PIK3AP1: variants seen among roughly 807,000 people sequenced by gnomAD.
PIK3AP1 encodes the protein phosphoinositide-3-kinase adaptor protein 1, also known as phosphoinositide 3-kinase adapter protein 1.
PIK3AP1 carries 21 observed loss-of-function variants against 88.1 expected under a neutral mutation model. The ratio of observed to expected loss-of-function variants is 0.24; its 90% CI spans 0.17 to 0.34. The LOEUF (loss-of-function observed/expected upper bound fraction) is 0.34. Among genes scored for constraint, PIK3AP1 ranks in the 10% least tolerant of loss-of-function variants. The probability of loss-of-function intolerance (pLI) is 1.00; values close to 1 mark genes in which losing one functional copy is unlikely to be tolerated. For synonymous variants in PIK3AP1, 398 were observed against 400.0 expected, an observed-to-expected ratio of 1.00 and a Z score of 0.06; for missense variants, 828 against 1,035.7, an observed-to-expected ratio of 0.80 and a Z score of 2.75.
intron 2 of PIK3AP1, among the ~76,000 whole-genome samples, chr10:96,663,050 C>T (rs1185908947): frequency 6.6e-6 from 1 of 151,700 alleles, no homozygotes; most frequent in Admixed American, 6.6e-5. Flanking sequence ...CATAAAAGAC[C>T]ACAAATTATA....
intron 1 of PIK3AP1, among the ~76,000 whole-genome samples, chr10:96,717,270 A>G (rs1384612319): frequency 6.6e-6 from 1 of 151,800 alleles, no homozygotes; most frequent in African/African-American, 2.4e-5. Flanking sequence ...AAAAAAAAAA[A>G]AAAAAACTCA....
chr10:96,603,699 C>T, intron 15 of PIK3AP1: 1 of 242,832 alleles, frequency 4.1e-6, no homozygotes, highest in Non-Finnish European at 8.0e-6. Flanking sequence ...CACACACACA[C>T]ACACACACAC....
At chr10:96,692,310 T>C (rs1376233792) in intron 2 of PIK3AP1, among the ~76,000 whole-genome samples, 1 of 152,228 alleles carries the variant, frequency 6.6e-6, no homozygotes, top group African/African-American at 2.4e-5. Context: ...GTGCAGTGGC[T>C]CATGCCTGTA....
chr10:96,720,053 C>A lies in PIK3AP1; in HGVS notation c.13+329G>T, dbSNP rs932966644. Among the ~76,000 whole-genome samples, 2 of 152,190 alleles carry A rather than the reference C, an allele frequency of 1.3e-5. No individual in the cohort carries two copies. Among genetic ancestry groups the A allele is most frequent in the African/African-American group, 4.8e-5 (2 of 41,450 alleles). ...CGCCCGCCCTCCGCTTCTCTCAACT[C>A]GCCTCTCGCTTCAGAGTCGGAGGGA... is the stretch of plus-strand genomic sequence containing the variant. On this transcript the variant is annotated intron_variant, in intron 1 of 16. Coordinates refer to ENST00000339364, the MANE Select transcript of PIK3AP1 (RefSeq NM_152309.3). The surrounding 1 kb of genome is among the most constrained non-coding windows in gnomAD (Gnocchi z 4.6).
intron 2 of PIK3AP1, among the ~76,000 whole-genome samples, chr10:96,691,008 G>C (rs1428143039): frequency 6.6e-6 from 1 of 152,172 alleles, no homozygotes; most frequent in African/African-American, 2.4e-5. Flanking sequence ...AAGTGAAGAG[G>C]TAACTCCAGG....
intron 2 of PIK3AP1, among the ~76,000 whole-genome samples, chr10:96,667,936 G>A (rs573033784): frequency 6.6e-6 from 1 of 152,296 alleles, no homozygotes; most frequent in East Asian, 1.9e-4. Context: ...TAATACCAAT[G>A]TGTACTTTTT....
intron 1 of PIK3AP1, among the ~76,000 whole-genome samples, chr10:96,711,922 T>C (rs958765858): frequency 5.9e-5 from 9 of 151,314 alleles, no homozygotes; most frequent in Admixed American, 1.3e-4. Context: ...GGCTAATTTT[T>C]TTTTTTTATT....
At chr10:96,700,403 C>A (rs764749135) in intron 2 of PIK3AP1, among the ~76,000 whole-genome samples, 1 of 151,334 alleles carries the variant, frequency 6.6e-6, no homozygotes, top group Non-Finnish European at 1.5e-5. Flanking sequence ...AGGCAGTGAC[C>A]CACAGTTAGG....
intron 2 of PIK3AP1, among the ~76,000 whole-genome samples, chr10:96,694,481 T>TCCCTC (rs1221226083): frequency 1.3e-5 from 2 of 150,216 alleles, no homozygotes; most frequent in African/African-American, 4.9e-5. Flanking sequence ...CCTTTTCCCT[T>TCCCTC]CCCTCCCCTC....
rs767807459 is a variant in PIK3AP1, at chr10:96,604,000, G to A, written c.2220C>T (p.Ser740=). ...SSTRSLLSVS[S]GMEGDNEDNE... ...TCACCTCGTTGTCCCCTTCCATCCC[G>A]CTGCTCACACTGAGGAGGCTCCGGG... Residue 740 remains serine (S), a synonymous_variant, in exon 15 of 17, where the codon AGC becomes AGT. Coordinates refer to ENST00000339364, the MANE Select transcript of PIK3AP1 (RefSeq NM_152309.3). 63 of 1,607,414 alleles carry A rather than the reference G, an allele frequency of 3.9e-5. No homozygotes were observed. Among genetic ancestry groups the A allele is most frequent in the South Asian group, 1.2e-4 (11 of 89,616 alleles).
At chr10:96,678,764 C>T (rs1340411177) in intron 2 of PIK3AP1, among the ~76,000 whole-genome samples, 1 of 152,160 alleles carries the variant, frequency 6.6e-6, no homozygotes, top group East Asian at 1.9e-4. Context: ...TTTCACTTTT[C>T]CTTTTCATGA....
intron 2 of PIK3AP1, among the ~76,000 whole-genome samples, chr10:96,706,038 C>T (rs941757765): frequency 2.6e-5 from 4 of 151,798 alleles, no homozygotes; most frequent in East Asian, 3.9e-4. Context: ...GGACTACAGG[C>T]GCCCGCCACC....
chr10:96,714,606 G>T (rs949790644), intron 1 of PIK3AP1, among the ~76,000 whole-genome samples: 3 of 152,324 alleles, frequency 2.0e-5, no homozygotes, highest in African/African-American at 4.8e-5. Context: ...TTCTAGGAAT[G>T]AGTCTAGGAT....
At chr10:96,700,988 C>T (rs1844290927) in intron 2 of PIK3AP1, 5 of 720,728 alleles carry the variant, frequency 6.9e-6, no homozygotes, top group Non-Finnish European at 8.5e-6. Flanking sequence ...CCTGAGCTAC[C>T]GCGGGCTCCT....
intron 8 of PIK3AP1, among the ~76,000 whole-genome samples, chr10:96,630,979 C>T (rs1161291277): frequency 6.6e-6 from 1 of 152,230 alleles, no homozygotes; most frequent in Non-Finnish European, 1.5e-5. Flanking sequence ...TCCACTCCCA[C>T]CTGCCTGACC....
At chr10:96,605,353 T>A (rs989127876) in intron 14 of PIK3AP1, among the ~76,000 whole-genome samples, 6 of 152,208 alleles carry the variant, frequency 3.9e-5, no homozygotes, top group Non-Finnish European at 2.9e-5. Context: ...GGAAATGAAT[T>A]TTAAATTTTA....
intron 8 of PIK3AP1, among the ~76,000 whole-genome samples, chr10:96,641,965 C>A (rs1450458551): frequency 1.3e-5 from 2 of 152,142 alleles, no homozygotes; most frequent in Non-Finnish European, 2.9e-5. Context: ...ACCTACAGAG[C>A]CACTGTTAGT....
At chr10:96,632,307 T>C (rs1843255034) in intron 8 of PIK3AP1, among the ~76,000 whole-genome samples, 1 of 152,222 alleles carries the variant, frequency 6.6e-6, no homozygotes, top group Admixed American at 6.5e-5. Flanking sequence ...GTAATTGTAC[T>C]ATGGTTATGT....
Position 96,645,651 on chromosome 10 carries a change from G to A in PIK3AP1, c.1197C>T (p.Asp399=), listed in dbSNP as rs1234088747. The A allele has an allele frequency of 1.9e-6, 3 of 1,594,542 alleles. No homozygotes were observed. Among genetic ancestry groups the A allele is most frequent in the South Asian group, 1.1e-5 (1 of 88,628 alleles). The change falls in exon 8 of 17, where the codon GAC becomes GAT. Residue 399 remains aspartate, a synonymous_variant. Coordinates refer to ENST00000339364, the MANE Select transcript of PIK3AP1 (RefSeq NM_152309.3). The stretch of plus-strand genomic sequence containing the variant: ...CCTCTTTAATGTGACTCTTGAGCAT[G>A]TCCACCGTTTCCTGAAAGAGAAGAT... ...QFIDEYVETV[D]MLKSHIKEEL...
Sources: gnomAD v4.1 joint callset for allele counts (sites outside exome capture counted in the v4.1 genomes callset) on GRCh38, gnomAD v4.1.1 for gene constraint, Gnocchi (gnomAD v3.1) non-coding constraint, MANE v1.5 for transcripts, NCBI Gene and HGNC (gene_info 2026-07-23, HGNC 2026-07-21) for gene names.